TBC1D19: variants seen among roughly 807,000 people sequenced by gnomAD.
TBC1D19 encodes TBC1 domain family member 19.
A neutral mutation model predicts 89.0 loss-of-function variants in TBC1D19; 60 were observed. The observed-to-expected ratio is 0.67, with a 90% confidence interval of 0.55 to 0.84. TBC1D19 has a LOEUF of 0.84. Ranked by LOEUF, TBC1D19 falls within the 40% of genes least tolerant of loss-of-function variation. The pLI, the probability that TBC1D19 is intolerant of heterozygous loss-of-function variation, is 0.00. For missense variants in TBC1D19, 500 were observed against 610.8 expected (o/e 0.82, Z 1.91); for synonymous variants, 189 against 199.7 (o/e 0.95, Z 0.45).
At chr4:26,840,007 A>AT in the TBC1D19 span, among the ~76,000 whole-genome samples, 1,385 of 148,376 alleles carry the variant, frequency 9.3e-3, 6 homozygotes, top group Middle Eastern at 0.036. Context: ...AAATATTTTG[A>AT]TTTTTTTTTT....
chr4:26,754,514 A>T (rs1295350104), intron 20 of TBC1D19, among the ~76,000 whole-genome samples: 1 of 152,234 alleles, frequency 6.6e-6, no homozygotes, highest in Admixed American at 6.5e-5. Context: ...TTCCATCTCA[A>T]AATGATTTCC....
At chr4:26,849,095 G>A in the TBC1D19 span, among the ~76,000 whole-genome samples, 4 of 152,050 alleles carry the variant, frequency 2.6e-5, no homozygotes, top group Non-Finnish European at 5.9e-5. Flanking sequence ...AGGATTACTT[G>A]AGCCCAGGAG....
the TBC1D19 span, among the ~76,000 whole-genome samples, chr4:26,797,454 A>G: frequency 1.3e-5 from 2 of 152,226 alleles, no homozygotes; most frequent in Non-Finnish European, 2.9e-5. Flanking sequence ...ATATCATTAA[A>G]ATGACTATAC....
chr4:26,758,162 CTG>C (rs1459136643), downstream of TBC1D19, among the ~76,000 whole-genome samples: 1 of 152,140 alleles, frequency 6.6e-6, no homozygotes, highest in African/African-American at 2.4e-5. Flanking sequence ...TCTTATAAAA[CTG>C]TTCATCACTC....
upstream of TBC1D19, among the ~76,000 whole-genome samples, chr4:26,579,321 C>A (rs1199003538): frequency 1.3e-5 from 2 of 152,168 alleles, no homozygotes; most frequent in East Asian, 3.9e-4. Flanking sequence ...GACGAAACAC[C>A]AGATCATCTC....
At chr4:26,758,843 G>T (rs1719361069), downstream of TBC1D19, among the ~76,000 whole-genome samples, 1 of 151,984 alleles carries the variant, frequency 6.6e-6, no homozygotes, top group Admixed American at 6.6e-5. Flanking sequence ...ATCATTATTT[G>T]GTATAGAACC....
intron 13 of TBC1D19, among the ~76,000 whole-genome samples, chr4:26,708,605 A>C (rs905691655): frequency 1.3e-5 from 2 of 151,964 alleles, no homozygotes; most frequent in African/African-American, 4.8e-5. Context: ...CCTACCTTGC[A>C]TATCGGTTGG....
intron 4 of TBC1D19, among the ~76,000 whole-genome samples, chr4:26,636,556 C>T (rs1249482317): frequency 6.9e-6 from 1 of 145,258 alleles, no homozygotes; most frequent in African/African-American, 2.5e-5. Context: ...AGAGACATAA[C>T]AACCAATGAA....
At chr4:26,800,677 G>A in the TBC1D19 span, among the ~76,000 whole-genome samples, 3 of 152,164 alleles carry the variant, frequency 2.0e-5, no homozygotes, top group Non-Finnish European at 4.4e-5. Context: ...GTTGTTTCCT[G>A]ACTTTTTAAT....
chr4:26,689,097 G>T (rs1273240808), intron 13 of TBC1D19, among the ~76,000 whole-genome samples: 1 of 151,958 alleles, frequency 6.6e-6, no homozygotes, highest in East Asian at 1.9e-4. Flanking sequence ...TTTGAAAATG[G>T]TATTGTGGTG....
At chr4:26,743,195 G>T (rs1718470804) in intron 18 of TBC1D19, among the ~76,000 whole-genome samples, 2 of 151,988 alleles carry the variant, frequency 1.3e-5, no homozygotes, top group Admixed American at 1.3e-4. Context: ...TAAAGCAAGA[G>T]AACTTTCCAA....
At chr4:26,626,531 A>C (rs757203683) in intron 4 of TBC1D19, among the ~76,000 whole-genome samples, 1 of 152,142 alleles carries the variant, frequency 6.6e-6, no homozygotes, top group Non-Finnish European at 1.5e-5. Context: ...TTACAAAATG[A>C]GAAAGTGGTA....
chr4:26,853,550 G>A, the TBC1D19 span, among the ~76,000 whole-genome samples: 2 of 150,550 alleles, frequency 1.3e-5, no homozygotes, highest in East Asian at 3.9e-4. Context: ...TTTTTTGTTT[G>A]TTTTTGAGAC....
the TBC1D19 span, among the ~76,000 whole-genome samples, chr4:26,780,946 C>T: frequency 1.4e-3 from 215 of 152,274 alleles, 2 homozygotes; most frequent in African/African-American, 4.8e-3. Context: ...ACAGGCCCTC[C>T]GGCAGCCTTA....
chr4:26,620,142 C>G (rs1053045289), intron 3 of TBC1D19, among the ~76,000 whole-genome samples: 4 of 152,166 alleles, frequency 2.6e-5, no homozygotes, highest in Non-Finnish European at 5.9e-5. Context: ...AGCATTACCT[C>G]CTCAGAATTC....
chr4:26,600,678 G>A (rs12510371), intron 1 of TBC1D19, among the ~76,000 whole-genome samples: 69,315 of 152,016 alleles, frequency 0.46, 17,559 homozygotes, highest in Admixed American at 0.6. Context: ...AAGAGAAGGG[G>A]GTCAGCTTGG....
At chr4:26,587,576 C>CAAAAAAAAAAA in intron 1 of TBC1D19, among the ~76,000 whole-genome samples, 1 of 119,018 alleles carries the variant, frequency 8.4e-6, no homozygotes, top group Non-Finnish European at 1.8e-5. Context: ...GACCTTGTCT[C>CAAAAAAAAAAA]AAAAAAAAAA....
chr4:26,842,621 TTTCTTTC>T, the TBC1D19 span, among the ~76,000 whole-genome samples: 3 of 145,696 alleles, frequency 2.1e-5, no homozygotes, highest in Non-Finnish European at 4.5e-5. Context: ...TCTTTCTTTC[TTTCTTTC>T]TTTCTTTCTT....
chr4:26,714,513 T>G (rs188024428), intron 13 of TBC1D19, among the ~76,000 whole-genome samples: 2 of 152,168 alleles, frequency 1.3e-5, no homozygotes, highest in East Asian at 3.9e-4. Context: ...TTCACTTGGG[T>G]TTCAAGACAC....
Sources: allele counts gnomAD v4.1 joint callset (sites outside exome capture counted in the v4.1 genomes callset), GRCh38; gene constraint gnomAD v4.1.1; transcripts MANE v1.5; gene names NCBI Gene and HGNC (gene_info 2026-07-23, HGNC 2026-07-21).